Variants in SPEG observed in about 807,000 individuals in gnomAD.
SPEG encodes the protein striated muscle preferentially expressed protein kinase.
A neutral mutation model predicts 300.4 loss-of-function variants in SPEG; 114 were observed. The ratio of observed to expected loss-of-function variants is 0.38; its 90% CI spans 0.33 to 0.44. The LOEUF (loss-of-function observed/expected upper bound fraction) is 0.44. Among genes scored for constraint, SPEG ranks in the 20% least tolerant of loss-of-function variants. The pLI is 1.00. For synonymous variants in SPEG, 1,964 were observed against 2,018.9 expected, an observed-to-expected ratio of 0.97 and a Z score of 0.73; for missense variants, 4,201 against 4,586.2, an observed-to-expected ratio of 0.92 and a Z score of 2.43.
At position 219,435,315 on chromosome 2, in the gene SPEG, A is replaced by G; in HGVS notation, c.338A>G (p.Glu113Gly). Residue 113 changes from glutamate (E) to glycine (G), a missense_variant, in exon 1 of 41, where the codon GAG becomes GGG. Transcript: ENST00000312358. Reference sequence around the variant, plus strand: ...GTGTACAGCTGCATGGCCCAGAACGAGCGGGGCCGGGCCTCCTGCGAGGCG... The same window carrying G: ...GTGTACAGCTGCATGGCCCAGAACGGGCGGGGCCGGGCCTCCTGCGAGGCG... ...AGVYSCMAQN[E>G]RGRASCEAVL... is the part of the protein sequence containing the mutation. 6.5e-7 allele frequency: 1 copy of G among 1,534,972 alleles called. No homozygotes were observed. Among genetic ancestry groups the G allele is most frequent in the Non-Finnish European group, 8.7e-7 (1 of 1,148,006 alleles).
rs1319660263 is a variant in SPEG, at chr2:219,477,197, C to T, written c.4561-80C>T. The T allele has an allele frequency of 1.3e-6, 2 of 1,486,600 alleles. No individual in the cohort carries two copies. The highest frequency in any genetic ancestry group is 3.9e-5 in the Admixed American group (2 of 50,638). 92.1% of individuals were successfully genotyped at this position (1,486,600 alleles called of 1,614,324 possible). ...CTGGGTCCTGGTGAGAGATGCGCTG[C>T]CCAGAGTAGGAGATGAGGCCCTGGC... On this transcript the variant is annotated intron_variant, in intron 19 of 40. Transcript: ENST00000312358. This position sits in a 1 kb window ranked among gnomAD's most constrained non-coding sequence, Gnocchi z 6.4.
In SPEG at chr2:219,472,310, A is replaced by G. The variant is rs757336981; in HGVS notation, c.3919A>G (p.Arg1307Gly). 5.0e-6 allele frequency: 8 copies of G among 1,613,684 alleles called. No homozygotes were observed. The South Asian group carries it at 8.8e-5, about 18-fold the overall frequency. The change falls in exon 15 of 41, where the codon AGG (arginine) becomes GGG (glycine). Residue 1307 changes from arginine (R) to glycine (G), a missense_variant. Physicochemically the swap from Arg to Gly is moderately radical, Grantham distance 125 (BLOSUM62 -2). This residue lies in a region of SPEG where 1,047 missense variants were observed against 1,356.8 expected (regional missense o/e 0.77). Coordinates refer to ENST00000312358, the MANE Select transcript of SPEG (RefSeq NM_005876.5). ...RMVTLTWNPP[R>G]SLDMAIDPDS... is the part of the protein sequence containing the mutation. ...GGTCACACTCACATGGAACCCCCCC[A>G]GGAGTCTGGACATGGCCATCGGTGG...
intron 18 of SPEG, chr2:219,474,185 C>T (rs1469688617): frequency 6.7e-6 from 2 of 300,430 alleles, no homozygotes; most frequent in East Asian, 5.9e-5. Context: ...CGTGACCAGC[C>T]TCGCCAACAT....
rs1172062141 is a variant in SPEG at position 219,448,317 on chromosome 2, T to C, written c.1159T>C (p.Leu387=). The C allele has an allele frequency of 1.4e-5, 22 of 1,606,298 alleles. No homozygotes were observed. Among genetic ancestry groups the C allele is most frequent in the Non-Finnish European group, 1.9e-5 (22 of 1,177,414 alleles). The stretch of plus-strand genomic sequence containing the variant: ...CGAGGCCTCAGGCCGCCTGTCGGCG[T>C]TGGGCCGATCGCCTAGGCTGGTGCG... ...LSEASGRLSA[L]GRSPRLVRAG... is the part of the protein sequence containing the mutation. Residue 387 remains leucine (L), a synonymous_variant, in exon 4 of 41, where the codon TTG becomes CTG. Coordinates refer to ENST00000312358, the MANE Select transcript of SPEG (RefSeq NM_005876.5).
chr2:219,491,566 G>C (rs915495017), intron 38 of SPEG, among the ~76,000 whole-genome samples: 1 of 152,188 alleles, frequency 6.6e-6, no homozygotes, highest in African/African-American at 2.4e-5. Flanking sequence ...GAGTTCTGGG[G>C]ACCCCGCCAT....
rs1322441652 is a variant in SPEG at position 219,483,897 on chromosome 2, C to T, written c.6434C>T (p.Ala2145Val). The change falls in exon 30 of 41, where the codon GCG (alanine) becomes GTG (valine). Residue 2145 changes from alanine to valine, a missense_variant. Transcript: ENST00000312358. ...GAGCCCCGGGGCCGGCACCGCCGAG[C>T]GGGGGCGCCCCTCGAGATCCCCGTG... is the stretch of plus-strand genomic sequence containing the variant. ...EAEPRGRHRR[A>V]GAPLEIPVAR... is the part of the protein sequence containing the mutation. The T allele has an allele frequency of 1.9e-6, 3 of 1,600,296 alleles. No individual in the cohort carries two copies. The highest frequency in any genetic ancestry group is 2.2e-5 in the East Asian group (1 of 44,796).
chr2:219,469,433 G>T, intron 13 of SPEG, 54 bp downstream of exon 13: 1 of 1,376,234 alleles, frequency 7.3e-7, no homozygotes, highest in South Asian at 1.3e-5. Context: ...CACTTGGCTT[G>T]CAATGCCCTG....
At position 219,458,322 on chromosome 2, in the gene SPEG, G is replaced by T. The variant is rs1336663848; in HGVS notation, c.2441-3560G>T. On this transcript the variant is annotated intron_variant, in intron 6 of 40. Coordinates refer to ENST00000312358, the MANE Select transcript of SPEG (RefSeq NM_005876.5). This position sits in a 1 kb window ranked among gnomAD's most constrained non-coding sequence, Gnocchi z 4.2. ...GGGAGCTTGGCAAAGAGACCATGGA[G>T]CGGTGGTCCTCAGAGTGAGGCCCCC... Among the ~76,000 whole-genome samples, 1 of 152,208 alleles carries T rather than the reference G, an allele frequency of 6.6e-6. No homozygotes were observed. The highest frequency in any genetic ancestry group is 1.5e-5 in the Non-Finnish European group (1 of 68,044).
rs1372914482 is a variant in SPEG at position 219,477,034 on chromosome 2, G to A, written c.4560+52G>A. ...GGGGGAGGGAGGAGGGGCTCCCTGG[G>A]GGCGTGGGAGGGTCCTGGAAGGCCT... is the stretch of plus-strand genomic sequence containing the variant. On this transcript the variant is annotated intron_variant, in intron 19 of 40. Coordinates refer to ENST00000312358, the MANE Select transcript of SPEG (RefSeq NM_005876.5). This position sits in a 1 kb window ranked among gnomAD's most constrained non-coding sequence, Gnocchi z 6.4. The A allele has an allele frequency of 9.6e-6, 14 of 1,460,678 alleles. No homozygotes were observed. Among genetic ancestry groups the A allele is most frequent in the South Asian group, 2.5e-5 (2 of 79,536 alleles). 90.5% of individuals were successfully genotyped at this position (1,460,678 alleles called of 1,614,324 possible).
At chr2:219,466,176 G>C (rs1691332359) in intron 9 of SPEG, 1 of 1,506,056 alleles carries the variant, frequency 6.6e-7, no homozygotes, top group Non-Finnish European at 8.9e-7. Context: ...ACCCAGGCCT[G>C]CCGGCCCGGA....
intron 6 of SPEG, among the ~76,000 whole-genome samples, chr2:219,455,064 A>G (rs1485815354): frequency 6.6e-6 from 1 of 152,242 alleles, no homozygotes; most frequent in Non-Finnish European, 1.5e-5. Flanking sequence ...ACTGCACTCC[A>G]GCCTGGGTGA....
intron 18 of SPEG, among the ~76,000 whole-genome samples, chr2:219,474,874 C>T (rs1385202200): frequency 6.6e-6 from 1 of 151,214 alleles, no homozygotes; most frequent in Non-Finnish European, 1.5e-5. Flanking sequence ...CCTCCACCTC[C>T]CAGGTTCGAG....
chr2:219,482,857 G>A lies in SPEG; in HGVS notation c.5634+5G>A, dbSNP rs898965560. ...CTCTCCCGGCGGAGGTGGCAGGTAA[G>A]TGTGGCAGGCCAGCCTCTGTGCTTT... On this transcript the variant is annotated splice_donor_5th_base_variant and intron_variant, in intron 29 of 40. Transcript: ENST00000312358. 2 of 1,613,380 alleles carry A rather than the reference G, an allele frequency of 1.2e-6. No homozygotes were observed. Among genetic ancestry groups the A allele is most frequent in the African/African-American group, 2.7e-5 (2 of 74,902 alleles).
At position 219,477,946 on chromosome 2, in the gene SPEG, C is replaced by T. The variant is rs768622893; in HGVS notation, c.4868C>T (p.Ser1623Phe). 6.2e-7 allele frequency: 1 copy of T among 1,614,084 alleles called. No homozygotes were observed. The highest frequency in any genetic ancestry group is 2.2e-5 in the East Asian group (1 of 44,892). ...SYLRRIVERS[S>F]GLEFAAKFIP... is the part of the protein sequence containing the mutation. Reference sequence around the variant, plus strand: ...TTGCGGCGCATAGTGGAGCGTAGCTCCGGCCTGGAGTTTGCGGCCAAGTTC... The same window carrying T: ...TTGCGGCGCATAGTGGAGCGTAGCTTCGGCCTGGAGTTTGCGGCCAAGTTC... The change falls in exon 22 of 41, where the codon TCC becomes TTC. Residue 1623 changes from serine to phenylalanine, a missense_variant. Ser to Phe is a radical substitution (Grantham distance 155, BLOSUM62 -2). Transcript: ENST00000312358. This position sits in a 1 kb window ranked among gnomAD's most constrained non-coding sequence, Gnocchi z 6.4.
chr2:219,437,344 G>C (rs546909731), intron 1 of SPEG: 1 of 152,266 alleles, frequency 6.6e-6, no homozygotes, highest in African/African-American at 2.4e-5. Flanking sequence ...AGGTGTGAGA[G>C]CCCCCAGCAG....
At position 219,459,301 on chromosome 2, in the gene SPEG, T is replaced by C. The variant is rs1350942697; in HGVS notation, c.2441-2581T>C. On this transcript the variant is annotated intron_variant, in intron 6 of 40. Coordinates refer to ENST00000312358, the MANE Select transcript of SPEG (RefSeq NM_005876.5). The surrounding 1 kb of genome is among the most constrained non-coding windows in gnomAD (Gnocchi z 4.9). ...TTTGCCACAGTGAGAGTTGGGCTTG[T>C]GGGTGCAGCAGGGCTGGGATGTCAG... 1.3e-5 allele frequency among the ~76,000 whole-genome samples: 2 copies of C among 152,156 alleles called. No homozygotes were observed. The highest frequency in any genetic ancestry group is 4.8e-5 in the African/African-American group (2 of 41,444).
At position 219,493,160 on chromosome 2, in the gene SPEG, C is replaced by T; in HGVS notation, c.*374C>T. ...GGAGAACCAAGGAAGGTGGGCATGG[C>T]TGGAGAGGAGGAAAAGGAAGGAGCC... On this transcript the variant is annotated 3_prime_UTR_variant, in exon 41 of 41. Coordinates refer to ENST00000312358, the MANE Select transcript of SPEG (RefSeq NM_005876.5). 2.3e-6 allele frequency: 1 copy of T among 439,854 alleles called. No individual in the cohort carries two copies. Among genetic ancestry groups the T allele is most frequent in the Non-Finnish European group, 4.3e-6 (1 of 230,490 alleles). The allele number at this position is 439,854 out of a possible 1,614,324, so 27.2% of individuals were successfully genotyped here.
rs1260916841 is a variant in SPEG at position 219,492,135 on chromosome 2, T to A, written c.9486T>A (p.Tyr3162Ter). 6.2e-7 allele frequency: 1 copy of A among 1,613,430 alleles called. No homozygotes were observed. Among genetic ancestry groups the A allele is most frequent in the Non-Finnish European group, 8.5e-7 (1 of 1,179,672 alleles). The change falls in exon 40 of 41, where the codon TAT becomes TAA. Residue 3162 changes from tyrosine (Y) to a stop codon, truncating the protein, a stop_gained. Transcript: ENST00000312358. LOFTEE classifies it high-confidence loss of function. ...GGCTCAGTGGACGCTCCCCGTTCTA[T>A]GAGCCAGACCCCCAGGAAACGGAGG... ...YIMLSGRSPFYEPDPQETEAR... is the reference protein window; with the variant it reads ...YIMLSGRSPF
rs773563946 is a variant in SPEG, at chr2:219,444,701, G to A, written c.437G>A (p.Arg146His). 9.3e-6 allele frequency: 15 copies of A among 1,613,962 alleles called. No homozygotes were observed. Among genetic ancestry groups the A allele is most frequent in the African/African-American group, 1.3e-5 (1 of 74,916 alleles). The change falls in exon 2 of 41, where the codon CGC becomes CAC. Residue 146 changes from arginine to histidine, a missense_variant. By Grantham distance (29) the Arg-to-His change is conservative. Around this residue, in one of 4 missense-constraint regions of SPEG, gnomAD observed 1,258 missense variants for 1,293.9 expected, o/e 0.97. Transcript: ENST00000312358. This position sits in a 1 kb window ranked among gnomAD's most constrained non-coding sequence, Gnocchi z 7.8. Reference sequence around the variant, plus strand: ...ATCAGCGATGTGCAGGGAACCCAGCGCCTGGAGCTTCGGGATGACGGGGCC... The same window carrying A: ...ATCAGCGATGTGCAGGGAACCCAGCACCTGGAGCTTCGGGATGACGGGGCC... ...DDISDVQGTQ[R>H]LELRDDGAFS...
Sources: gnomAD v4.1 joint callset for allele counts (sites outside exome capture counted in the v4.1 genomes callset) on GRCh38, gnomAD v4.1.1 for gene constraint, gnomAD v4.1.1 regional missense constraint, Gnocchi (gnomAD v3.1) non-coding constraint, MANE v1.5 for transcripts, NCBI Gene and HGNC (gene_info 2026-07-23, HGNC 2026-07-21) for gene names.